The following SPTSSA variants were observed in gnomAD, a reference collection of about 807,000 sequenced individuals.
SPTSSA encodes the protein serine palmitoyltransferase small subunit A, also known as small subunit of serine palmitoyltransferase A.
In SPTSSA, 8 loss-of-function variants were observed where a neutral mutation model predicts 9.1. That is an observed-to-expected ratio of 0.88 (90% CI 0.51 to 1.58). The LOEUF is 1.58. Ranked by LOEUF, SPTSSA falls within the 40% of genes most tolerant of loss-of-function variation. The pLI, the probability that SPTSSA is intolerant of heterozygous loss-of-function variation, is 0.00. For missense variants in SPTSSA, 100 were observed against 93.8 expected (o/e 1.07, Z -0.27); for synonymous variants, 42 against 37.7 (o/e 1.11, Z -0.41).
chr14:34,442,955 G>GTGT lies in SPTSSA; in HGVS notation c.113-7652_113-7651insACA, dbSNP rs1566422692. ...GTGTGTGTGTATACATGTCTAGGGGGGTGTGTGTGTGTGTGTGTGTGTGTG... is the reference window on the plus strand; with the variant it reads ...GTGTGTGTGTATACATGTCTAGGGGGTGTGTGTGTGTGTGTGTGTGTGTGTGTG... On this transcript the variant is annotated intron_variant, in intron 1 of 1. Transcript: ENST00000298130. Among the ~76,000 whole-genome samples, 205 of 124,228 alleles carry GTGT rather than the reference G, an allele frequency of 1.7e-3. 1 individual carries two copies. Among genetic ancestry groups the GTGT allele is most frequent in the African/African-American group, 5.8e-3 (184 of 31,630 alleles). The allele number at this position is 124,228 out of a possible 152,430, so 81.5% of individuals were successfully genotyped here. A position where few individuals can be genotyped will look rare whatever the true frequency, so the allele number is the denominator to read the frequency against.
chr14:34,458,474 G>A (rs535329517), intron 1 of SPTSSA, among the ~76,000 whole-genome samples: 3 of 150,968 alleles, frequency 2.0e-5, no homozygotes, highest in East Asian at 2.0e-4. Flanking sequence ...GTGAGCTACC[G>A]CGCCAGGCCT....
intron 1 of SPTSSA, among the ~76,000 whole-genome samples, chr14:34,435,621 C>CTTTTTTTTTTT (rs1222408409): frequency 1.9e-5 from 2 of 105,750 alleles, no homozygotes; most frequent in African/African-American, 8.9e-5. Flanking sequence ...TTGTTTGTTT[C>CTTTTTTTTTTT]TCTTTTTTTT....
chr14:34,449,792 C>A lies in SPTSSA; in HGVS notation c.112+12304G>T, dbSNP rs557041268. Among the ~76,000 whole-genome samples, 3 of 152,148 alleles carry A rather than the reference C, an allele frequency of 2.0e-5. No individual in the cohort carries two copies. The South Asian group carries it at 6.2e-4, about 32-fold the overall frequency. On this transcript the variant is annotated intron_variant, in intron 1 of 1. Transcript: ENST00000298130. ...TGCTGGGATTATAGGCGTGAGCCACCACACCCGACCTAGGCATTGGTTTTA... is the reference window on the plus strand; with the variant it reads ...TGCTGGGATTATAGGCGTGAGCCACAACACCCGACCTAGGCATTGGTTTTA...
rs546378690 is a variant in SPTSSA, at chr14:34,433,638, A to G, written c.*1563T>C. The G allele has an allele frequency of 6.6e-6, 1 of 152,228 alleles. No homozygotes were observed. The highest frequency in any genetic ancestry group is 6.5e-5 in the Admixed American group (1 of 15,286). 9.4% of individuals were successfully genotyped at this position (152,228 alleles called of 1,614,324 possible). ...GACCTCTAGACTATAAAATACTTCA[A>G]AAGTCTAGTCCTTAAAACGTAGGGC... On this transcript the variant is annotated 3_prime_UTR_variant, in exon 2 of 2. Transcript: ENST00000298130.
Position 34,435,045 on chromosome 14 carries a change from G to C in SPTSSA, c.*156C>G, listed in dbSNP as rs1427097364. On this transcript the variant is annotated 3_prime_UTR_variant, in exon 2 of 2. Coordinates refer to ENST00000298130, the MANE Select transcript of SPTSSA (RefSeq NM_138288.4). ...TAAAAATAAAGAACACAACACATGA[G>C]TCAGGATGATTTTCCTGTTCTACTC... The C allele has an allele frequency of 3.9e-6, 2 of 511,228 alleles. No individual in the cohort carries two copies. The highest frequency in any genetic ancestry group is 7.0e-6 in the Non-Finnish European group (2 of 283,900). 31.7% of individuals were successfully genotyped at this position (511,228 alleles called of 1,614,324 possible).
At chr14:34,441,711 G>A (rs1352841515) in intron 1 of SPTSSA, among the ~76,000 whole-genome samples, 2 of 151,978 alleles carry the variant, frequency 1.3e-5, no homozygotes, top group African/African-American at 2.4e-5. Context: ...ACCCATGTGG[G>A]TAGCACCTAA....
intron 1 of SPTSSA, among the ~76,000 whole-genome samples, chr14:34,457,966 T>C (rs979681779): frequency 2.8e-5 from 3 of 106,498 alleles, no homozygotes; most frequent in Non-Finnish European, 5.2e-5. Context: ...AGCAAGACTG[T>C]CTCGGAAAAA....
chr14:34,451,533 C>T (rs1275284558), intron 1 of SPTSSA, among the ~76,000 whole-genome samples: 3 of 151,854 alleles, frequency 2.0e-5, no homozygotes, highest in Admixed American at 6.6e-5. Context: ...ACCGTCCTGG[C>T]TAACACGGTG....
At chr14:34,457,991 C>CAAAGA (rs1208066696) in intron 1 of SPTSSA, among the ~76,000 whole-genome samples, 2,005 of 91,138 alleles carry the variant, frequency 0.022, 21 homozygotes, top group African/African-American at 0.026. Flanking sequence ...AAAAAAAAAA[C>CAAAGA]AAAGAAAAGA....
intron 1 of SPTSSA, among the ~76,000 whole-genome samples, chr14:34,451,772 C>T (rs1490396429): frequency 6.8e-6 from 1 of 147,734 alleles, no homozygotes; most frequent in East Asian, 2.0e-4. Flanking sequence ...CTTAGAAATA[C>T]TCAAGAGTTG....
intron 1 of SPTSSA, among the ~76,000 whole-genome samples, chr14:34,438,061 C>G (rs142532172): frequency 4.6e-5 from 7 of 152,110 alleles, no homozygotes; most frequent in Non-Finnish European, 8.8e-5. Context: ...CCTCAGCCCC[C>G]CAAAGTGCTG....
At chr14:34,439,016 G>C (rs770345615) in intron 1 of SPTSSA, among the ~76,000 whole-genome samples, 2 of 152,164 alleles carry the variant, frequency 1.3e-5, no homozygotes, top group Non-Finnish European at 2.9e-5. Flanking sequence ...AGGGATTCTT[G>C]TGCAAGCTAT....
chr14:34,448,906 A>G (rs576960867), intron 1 of SPTSSA, among the ~76,000 whole-genome samples: 2 of 152,274 alleles, frequency 1.3e-5, no homozygotes, highest in African/African-American at 4.8e-5. Context: ...AGACAGAGGT[A>G]GGAGGATCAC....
chr14:34,439,284 G>A (rs1883284188), intron 1 of SPTSSA, among the ~76,000 whole-genome samples: 1 of 152,066 alleles, frequency 6.6e-6, no homozygotes, highest in Non-Finnish European at 1.5e-5. Context: ...TAGAGAAAGG[G>A]GGCGCTATAG....
At chr14:34,457,583 T>C (rs908066873) in intron 1 of SPTSSA, among the ~76,000 whole-genome samples, 3 of 152,242 alleles carry the variant, frequency 2.0e-5, no homozygotes, top group Non-Finnish European at 2.9e-5. Context: ...CCCATTTCTC[T>C]GTAAGATAGA....
chr14:34,459,157 C>A (rs59394498), intron 1 of SPTSSA, among the ~76,000 whole-genome samples: 2 of 151,822 alleles, frequency 1.3e-5, no homozygotes, highest in Non-Finnish European at 2.9e-5. Flanking sequence ...CTGGGCCAGG[C>A]GCGGTGGCTC....
At chr14:34,440,449 G>A (rs1196955984) in intron 1 of SPTSSA, among the ~76,000 whole-genome samples, 2 of 152,206 alleles carry the variant, frequency 1.3e-5, no homozygotes, top group African/African-American at 4.8e-5. Flanking sequence ...TCCAGTAGGA[G>A]TGATTACTAT....
chr14:34,452,271 T>C (rs915121753), intron 1 of SPTSSA, among the ~76,000 whole-genome samples: 17 of 150,164 alleles, frequency 1.1e-4, no homozygotes, highest in Non-Finnish European at 2.5e-4. Flanking sequence ...AAAAAGAAAG[T>C]TAATTTTTCC....
intron 1 of SPTSSA, among the ~76,000 whole-genome samples, chr14:34,459,932 CT>C (rs1878584263): frequency 6.6e-6 from 1 of 152,190 alleles, no homozygotes; most frequent in South Asian, 2.1e-4. Context: ...AATGTTTAAG[CT>C]GTAGAAAGTA....
Sources: gnomAD v4.1 joint callset for allele counts (sites outside exome capture counted in the v4.1 genomes callset) on GRCh38, gnomAD v4.1.1 for gene constraint, MANE v1.5 for transcripts, NCBI Gene and HGNC (gene_info 2026-07-23, HGNC 2026-07-21) for gene names.